Variants in SLC25A28 observed in about 807,000 individuals in gnomAD.
SLC25A28 encodes mitoferrin-2.
A neutral mutation model predicts 31.9 loss-of-function variants in SLC25A28; 10 were observed. The ratio of observed to expected loss-of-function variants is 0.31; its 90% CI spans 0.19 to 0.53. The LOEUF (loss-of-function observed/expected upper bound fraction) is 0.53, where lower values mean the gene tolerates loss of function less well. Ranked by LOEUF, SLC25A28 falls within the 20% of genes least tolerant of loss-of-function variation. The pLI is 0.95. For missense variants in SLC25A28, 256 were observed against 490.3 expected (o/e 0.52, Z 4.51); for synonymous variants, 208 against 203.6 (o/e 1.02, Z -0.19).
At chr10:99,627,251 A>G in the SLC25A28 span, among the ~76,000 whole-genome samples, 1 of 151,826 alleles carries the variant, frequency 6.6e-6, no homozygotes, top group African/African-American at 2.4e-5. Flanking sequence ...AATAAAAATA[A>G]AAAAAAAGTC....
At chr10:99,619,854 GGTT>G (rs1417908436) in intron 1 of SLC25A28, among the ~76,000 whole-genome samples, 188 bp downstream of exon 1, 1 of 152,202 alleles carries the variant, frequency 6.6e-6, no homozygotes, top group East Asian at 1.9e-4. Flanking sequence ...AATAGGTCCT[GGTT>G]CCTGACTGGG....
At chr10:99,639,398 G>A in the SLC25A28 span, among the ~76,000 whole-genome samples, 5 of 151,964 alleles carry the variant, frequency 3.3e-5, no homozygotes, top group Non-Finnish European at 2.9e-5. Context: ...TATTGCATGG[G>A]TGATGGGTGC....
intron 1 of SLC25A28, chr10:99,616,922 C>T: frequency 1.0e-6 from 1 of 975,440 alleles, no homozygotes; most frequent in Non-Finnish European, 1.2e-6. Flanking sequence ...TAGTGCTTGG[C>T]ACACAAGATC....
the SLC25A28 span, among the ~76,000 whole-genome samples, chr10:99,638,220 G>A: frequency 6.6e-6 from 1 of 152,120 alleles, no homozygotes; most frequent in East Asian, 1.9e-4. Flanking sequence ...TCCACAAATG[G>A]TAATAATTGG....
At chr10:99,616,897 G>A (rs938852084) in intron 1 of SLC25A28, 27 of 937,810 alleles carry the variant, frequency 2.9e-5, no homozygotes, top group Admixed American at 1.9e-4. Flanking sequence ...ATAAATGTAT[G>A]TAAGGTACTT....
At chr10:99,642,685 T>C in the SLC25A28 span, among the ~76,000 whole-genome samples, 3 of 152,186 alleles carry the variant, frequency 2.0e-5, no homozygotes, top group Admixed American at 2.0e-4. Context: ...CCATTCAGTA[T>C]GATATTGGCT....
At chr10:99,632,240 A>G in the SLC25A28 span, among the ~76,000 whole-genome samples, 2 of 152,144 alleles carry the variant, frequency 1.3e-5, no homozygotes, top group Admixed American at 6.6e-5. Flanking sequence ...ACTACATAAC[A>G]TTTACATTGT....
chr10:99,630,802 T>C, the SLC25A28 span, among the ~76,000 whole-genome samples: 3 of 152,276 alleles, frequency 2.0e-5, no homozygotes, highest in South Asian at 6.2e-4. Flanking sequence ...GATTCATGAA[T>C]GTAAAATTAC....
At chr10:99,627,514 C>T in the SLC25A28 span, among the ~76,000 whole-genome samples, 2 of 150,982 alleles carry the variant, frequency 1.3e-5, no homozygotes, top group African/African-American at 4.9e-5. Flanking sequence ...GATCATGGCT[C>T]ACTGCAGCTT....
chr10:99,615,068 C>T (rs1425930970), intron 1 of SLC25A28, among the ~76,000 whole-genome samples: 1 of 152,132 alleles, frequency 6.6e-6, no homozygotes, highest in Non-Finnish European at 1.5e-5. Context: ...AAAGCTTGAA[C>T]CTTCGGCCAG....
intron 1 of SLC25A28, chr10:99,617,541 C>G (rs2034687563): frequency 1.0e-6 from 1 of 985,286 alleles, no homozygotes; most frequent in Non-Finnish European, 1.2e-6. Flanking sequence ...AGAAGGATAG[C>G]TGCTGGGGAC....
the SLC25A28 span, among the ~76,000 whole-genome samples, chr10:99,633,510 A>C: frequency 6.6e-6 from 1 of 152,222 alleles, no homozygotes; most frequent in East Asian, 1.9e-4. Context: ...AGCCTGGCCA[A>C]CATGGCAAAA....
At chr10:99,631,895 T>TTA in the SLC25A28 span, among the ~76,000 whole-genome samples, 12 of 111,668 alleles carry the variant, frequency 1.1e-4, no homozygotes, top group African/African-American at 6.7e-5. Context: ...TTTTTTATTT[T>TTA]TTTTTTTTTT....
chr10:99,651,063 G>A, the SLC25A28 span, among the ~76,000 whole-genome samples: 1 of 152,220 alleles, frequency 6.6e-6, no homozygotes, highest in Non-Finnish European at 1.5e-5. Flanking sequence ...GGAGCCCTAG[G>A]GATTTCTCTC....
rs576696492 is a variant in SLC25A28, at chr10:99,618,290, T to A, written c.291+1755A>T. On this transcript the variant is annotated intron_variant, in intron 1 of 3. Coordinates refer to ENST00000370495, the MANE Select transcript of SLC25A28 (RefSeq NM_031212.4). ...CTGTTATAATGGAACAGTGGTTAAA[T>A]TGATAAGTTACAGTAATATTTCTAA... 1.7e-4 allele frequency: 167 copies of A among 984,656 alleles called. No homozygotes were observed. The African/African-American group carries it at 2.8e-3, about 16-fold the overall frequency. 61.0% of individuals were successfully genotyped at this position (984,656 alleles called of 1,614,324 possible).
At chr10:99,624,061 C>G (rs896143920), upstream of SLC25A28, among the ~76,000 whole-genome samples, 1 of 151,664 alleles carries the variant, frequency 6.6e-6, no homozygotes, top group Non-Finnish European at 1.5e-5. Flanking sequence ...CCCTCCCTTC[C>G]TTCCTTCTCT....
At position 99,615,794 on chromosome 10, in the gene SLC25A28, C is replaced by T. The variant is rs1396294645; in HGVS notation, c.292-1870G>A. The T allele has an allele frequency of 6.1e-6, 6 of 985,228 alleles. No individual in the cohort carries two copies. In the Admixed American group the frequency reaches 1.8e-4, roughly 30 times the overall value. The allele number at this position is 985,228 out of a possible 1,614,324, so 61.0% of individuals were successfully genotyped here. ...TGAGCCTCTTAGCTTATCGTGTTTCCATGCATTTATTCAAAACTGATCTTG... is the reference window on the plus strand; with the variant it reads ...TGAGCCTCTTAGCTTATCGTGTTTCTATGCATTTATTCAAAACTGATCTTG... On this transcript the variant is annotated intron_variant, in intron 1 of 3. Coordinates refer to ENST00000370495, the MANE Select transcript of SLC25A28 (RefSeq NM_031212.4).
chr10:99,653,299 A>C, the SLC25A28 span, among the ~76,000 whole-genome samples: 3 of 152,194 alleles, frequency 2.0e-5, no homozygotes, highest in Non-Finnish European at 4.4e-5. Context: ...AAGGTACTCA[A>C]GCAGCCCTGG....
At chr10:99,639,645 C>T in the SLC25A28 span, among the ~76,000 whole-genome samples, 1 of 151,296 alleles carries the variant, frequency 6.6e-6, no homozygotes, top group Admixed American at 6.6e-5. Flanking sequence ...GACTCCCTGC[C>T]CCCCCATCCC....
Sources: allele counts gnomAD v4.1 joint callset (sites outside exome capture counted in the v4.1 genomes callset), GRCh38; gene constraint gnomAD v4.1.1; transcripts MANE v1.5; gene names NCBI Gene and HGNC (gene_info 2026-07-23, HGNC 2026-07-21).